THEMIS: variants seen among roughly 807,000 people sequenced by gnomAD.
THEMIS encodes the protein thymocyte selection associated.
Under a neutral mutation model 52.6 loss-of-function variants are expected in THEMIS, and 37 were observed. The ratio of observed to expected loss-of-function variants is 0.70; its 90% CI spans 0.54 to 0.93. THEMIS has a LOEUF of 0.93. Among genes scored for constraint, THEMIS ranks in the 40% least tolerant of loss-of-function variants. The probability of loss-of-function intolerance (pLI) is 0.00; values close to 1 mark genes in which losing one functional copy is unlikely to be tolerated. For synonymous variants in THEMIS, 292 were observed against 272.7 expected (o/e 1.07, Z -0.70); for missense variants, 808 against 763.1 (o/e 1.06, Z -0.69).
At chr6:127,897,497 T>C (rs906408170) in intron 1 of THEMIS, among the ~76,000 whole-genome samples, 2 of 151,200 alleles carry the variant, frequency 1.3e-5, no homozygotes, top group African/African-American at 4.8e-5. Context: ...ATAAACCACC[T>C]CTGCAAAAAA....
At chr6:127,905,460 A>G (rs897891544), upstream of THEMIS, among the ~76,000 whole-genome samples, 9 of 152,058 alleles carry the variant, frequency 5.9e-5, no homozygotes, top group African/African-American at 1.9e-4. Context: ...AAGAAAATTC[A>G]TCACCAGTAA....
intron 1 of THEMIS, among the ~76,000 whole-genome samples, chr6:127,916,075 C>T (rs967820453): frequency 2.0e-5 from 3 of 151,848 alleles, no homozygotes; most frequent in Non-Finnish European, 2.9e-5. Flanking sequence ...TTGGGCAATG[C>T]AAGTCTGCCC....
chr6:127,891,540 A>C (rs1360988420), intron 1 of THEMIS, among the ~76,000 whole-genome samples: 2 of 8,760 alleles, frequency 2.3e-4, no homozygotes, highest in Non-Finnish European at 1.4e-3. Flanking sequence ...CAGCTCAACA[A>C]AAAAAAAAAA....
At chr6:127,875,105 C>T (rs1413638687) in intron 1 of THEMIS, among the ~76,000 whole-genome samples, 1 of 152,214 alleles carries the variant, frequency 6.6e-6, no homozygotes, top group East Asian at 1.9e-4. Context: ...GAAACATCCC[C>T]AAAACCTCTG....
At chr6:127,854,941 A>G (rs1779565521) in intron 2 of THEMIS, 89 bp downstream of exon 2, 1 of 1,178,246 alleles carries the variant, frequency 8.5e-7, no homozygotes, top group African/African-American at 1.6e-5. Flanking sequence ...TGAAAAACAG[A>G]CCATTTTTTT....
intron 4 of THEMIS, among the ~76,000 whole-genome samples, chr6:127,780,931 G>A (rs1427187954): frequency 6.6e-6 from 1 of 152,082 alleles, no homozygotes; most frequent in Non-Finnish European, 1.5e-5. Context: ...GAATCTGAAT[G>A]TTGGCCTGTC....
chr6:127,811,786 G>A (rs964118983), intron 4 of THEMIS, among the ~76,000 whole-genome samples: 6 of 152,082 alleles, frequency 3.9e-5, no homozygotes, highest in African/African-American at 1.2e-4. Flanking sequence ...ATAGCAACAC[G>A]TTAATCAACA....
chr6:127,819,118 T>TAAAAAAAAAAAAAAAAAAAA (rs142123167), intron 3 of THEMIS, among the ~76,000 whole-genome samples: 2 of 19,480 alleles, frequency 1.0e-4, no homozygotes, highest in African/African-American at 4.0e-4. Context: ...AGACTCTGTC[T>TAAAAAAAAAAAAAAAAAAAA]AAAAAAAAAA....
intron 4 of THEMIS, among the ~76,000 whole-genome samples, chr6:127,759,828 TTCCCTCCC>T (rs529282770): frequency 0.078 from 9,004 of 116,046 alleles, 539 homozygotes; most frequent in African/African-American, 0.15. Context: ...CCTTCCCTCC[TTCCCTCCC>T]TCCCTCCCTC....
At chr6:127,848,633 G>T (rs1435331132) in intron 2 of THEMIS, among the ~76,000 whole-genome samples, 1 of 152,092 alleles carries the variant, frequency 6.6e-6, no homozygotes, top group Non-Finnish European at 1.5e-5. Context: ...GGTGTGAGAT[G>T]GTATCTCATT....
At position 127,875,216 on chromosome 6, in the gene THEMIS, T is replaced by A. The variant is rs549382784; in HGVS notation, c.92-20028A>T. On this transcript the variant is annotated intron_variant, in intron 1 of 5. Coordinates refer to ENST00000368248, the MANE Select transcript of THEMIS (RefSeq NM_001010923.3). ...AAAGATACATGGGATCTCTTTGTAT[T>A]ATTTCTTACAACTGCATATGAATCT... is the stretch of plus-strand genomic sequence containing the variant. 1.2e-4 allele frequency among the ~76,000 whole-genome samples: 18 copies of A among 152,366 alleles called. 2 individuals carry two copies. In the South Asian group the frequency reaches 3.7e-3, roughly 32 times the overall value.
At chr6:127,799,763 T>A (rs978621933) in intron 4 of THEMIS, among the ~76,000 whole-genome samples, 1 of 152,138 alleles carries the variant, frequency 6.6e-6, no homozygotes, top group Non-Finnish European at 1.5e-5. Context: ...TTGATAGAGA[T>A]AGAGATCTCA....
chr6:127,761,723 G>A (rs1407113047), intron 4 of THEMIS, among the ~76,000 whole-genome samples: 1 of 152,082 alleles, frequency 6.6e-6, no homozygotes, highest in Non-Finnish European at 1.5e-5. Context: ...TTGTGCACAA[G>A]TGAAATAAAT....
At chr6:127,763,857 GT>G (rs1311582279) in intron 4 of THEMIS, among the ~76,000 whole-genome samples, 2 of 151,788 alleles carry the variant, frequency 1.3e-5, no homozygotes, top group African/African-American at 4.8e-5. Context: ...ACTCAAAGAA[GT>G]TTTTCCCTGT....
intron 4 of THEMIS, among the ~76,000 whole-genome samples, chr6:127,734,888 A>T (rs1774939053): frequency 7.7e-6 from 1 of 130,450 alleles, no homozygotes; most frequent in Admixed American, 7.8e-5. Context: ...AAAAAAAAAA[A>T]AAAAAAAAAT....
downstream of THEMIS, among the ~76,000 whole-genome samples, chr6:127,707,628 C>G (rs553490825): frequency 3.9e-5 from 6 of 152,132 alleles, no homozygotes; most frequent in South Asian, 1.2e-3. Flanking sequence ...TATTTTTATT[C>G]TATTGGATTT....
the THEMIS span, among the ~76,000 whole-genome samples, chr6:127,699,608 A>T: frequency 6.6e-6 from 1 of 151,682 alleles, no homozygotes; most frequent in African/African-American, 2.4e-5. Context: ...TAGAACAGAG[A>T]TATCAGAAAT....
chr6:127,762,245 G>A (rs1776046055), intron 4 of THEMIS, among the ~76,000 whole-genome samples: 1 of 152,070 alleles, frequency 6.6e-6, no homozygotes, highest in Admixed American at 6.6e-5. Context: ...TGGTTGTCAG[G>A]TGGGAAGACA....
Position 127,751,484 on chromosome 6 carries a change from AAG to A in THEMIS, c.1759-31663_1759-31662del, listed in dbSNP as rs1377860945. Among the ~76,000 whole-genome samples the A allele has an allele frequency of 2.0e-5, 3 of 151,744 alleles. No homozygotes were observed. In the East Asian group the frequency reaches 5.8e-4, roughly 29 times the overall value. ...AAGGACAAAGTGAAGTAATCAAAGA[AAG>A]ATATTCCATGCAAACAGTAACCAAA... On this transcript the variant is annotated intron_variant, in intron 4 of 5. Transcript: ENST00000368248.
Sources: allele counts gnomAD v4.1 joint callset (sites outside exome capture counted in the v4.1 genomes callset), GRCh38; gene constraint gnomAD v4.1.1; transcripts MANE v1.5; gene names NCBI Gene and HGNC (gene_info 2026-07-23, HGNC 2026-07-21).